Variants in RREB1 observed in about 807,000 individuals in gnomAD.
RREB1 encodes the protein ras-responsive element-binding protein 1.
RREB1 carries 27 observed loss-of-function variants against 117.8 expected under a neutral mutation model. The ratio of observed to expected loss-of-function variants is 0.23; its 90% CI spans 0.17 to 0.32. The LOEUF (loss-of-function observed/expected upper bound fraction) is 0.32, where lower values mean the gene tolerates loss of function less well. Among genes scored for constraint, RREB1 ranks in the 10% least tolerant of loss-of-function variants. The pLI is 1.00. For synonymous variants in RREB1, 1,298 were observed against 1,026.7 expected (o/e 1.26, Z -5.05); for missense variants, 2,577 against 2,378.2 (o/e 1.08, Z -1.74).
chr6:7,246,932 T>C lies in RREB1; in HGVS notation c.4482T>C (p.Pro1494=). Reference sequence around the variant, plus strand: ...CAGAGGAGGGGCCCCAGCCCGCCCCTGAACAGGAGGAGAAGCCCCCCGAGA... The same window carrying C: ...CAGAGGAGGGGCCCCAGCCCGCCCCCGAACAGGAGGAGAAGCCCCCCGAGA... ...STAEEGPQPA[P]EQEEKPPETP... is the part of the protein sequence containing the mutation. Residue 1494 remains proline (P), a synonymous_variant, in exon 12 of 13, where the codon CCT becomes CCC. Transcript: ENST00000379938. The C allele has an allele frequency of 1.3e-6, 2 of 1,557,234 alleles. No individual in the cohort carries two copies. The highest frequency in any genetic ancestry group is 1.7e-6 in the Non-Finnish European group (2 of 1,151,728).
chr6:7,142,769 A>G (rs1218260764), intron 1 of RREB1, among the ~76,000 whole-genome samples: 1 of 152,188 alleles, frequency 6.6e-6, no homozygotes. Flanking sequence ...CAGTGACTTT[A>G]CGTGGCACCC....
At chr6:7,196,630 TG>T (rs1765693300) in intron 6 of RREB1, among the ~76,000 whole-genome samples, 1 of 152,204 alleles carries the variant, frequency 6.6e-6, no homozygotes, top group Admixed American at 6.5e-5. Context: ...AATTATATTT[TG>T]GCAAGTAGGG....
chr6:7,189,010 C>T, intron 5 of RREB1, 149 bp from the exon 6 acceptor site: 1 of 671,652 alleles, frequency 1.5e-6, no homozygotes, highest in Non-Finnish European at 2.4e-6. Context: ...TACATTTTAC[C>T]CCTTCAGAAA....
At chr6:7,113,650 C>T (rs1288014923) in intron 1 of RREB1, among the ~76,000 whole-genome samples, 1 of 152,116 alleles carries the variant, frequency 6.6e-6, no homozygotes, top group Non-Finnish European at 1.5e-5. Flanking sequence ...AGAACAGCTG[C>T]TTTTTAGAGT....
intron 1 of RREB1, among the ~76,000 whole-genome samples, chr6:7,163,538 C>T (rs1211723281): frequency 2.0e-5 from 3 of 152,122 alleles, no homozygotes; most frequent in Non-Finnish European, 4.4e-5. Context: ...ACTACAGGCA[C>T]CCGCCACCAC....
At chr6:7,132,798 C>G (rs1762205680) in intron 1 of RREB1, among the ~76,000 whole-genome samples, 1 of 148,068 alleles carries the variant, frequency 6.8e-6, no homozygotes, top group Admixed American at 6.9e-5. Flanking sequence ...TACCCCGTGT[C>G]TGGTATACAA....
intron 1 of RREB1, among the ~76,000 whole-genome samples, chr6:7,160,634 T>TGAGTAGC (rs1205120939): frequency 1.3e-5 from 2 of 152,128 alleles, no homozygotes; most frequent in Non-Finnish European, 1.5e-5. Flanking sequence ...TTCAGCTTCC[T>TGAGTAGC]GAGTAGCTGG....
intron 10 of RREB1, among the ~76,000 whole-genome samples, chr6:7,238,938 C>T (rs1768508290): frequency 6.6e-6 from 1 of 152,190 alleles, no homozygotes; most frequent in Non-Finnish European, 1.5e-5. Flanking sequence ...GTCATGGGGG[C>T]GGTGCCAGGT....
At chr6:7,111,314 C>G (rs1029052124) in intron 1 of RREB1, among the ~76,000 whole-genome samples, 7 of 152,170 alleles carry the variant, frequency 4.6e-5, no homozygotes, top group Admixed American at 6.5e-5. Context: ...TCATTTATCA[C>G]CTTCAGCTAA....
At chr6:7,119,929 C>T (rs1226973442) in intron 1 of RREB1, among the ~76,000 whole-genome samples, 3 of 152,044 alleles carry the variant, frequency 2.0e-5, no homozygotes, top group African/African-American at 7.2e-5. Context: ...GTGGGAGGGG[C>T]TTGGCGATGA....
In RREB1 at chr6:7,251,055, T is replaced by C. The variant is rs1324908578; in HGVS notation, c.*2087T>C. 1.3e-5 allele frequency: 2 copies of C among 152,094 alleles called. No individual in the cohort carries two copies. Among genetic ancestry groups the C allele is most frequent in the Non-Finnish European group, 2.9e-5 (2 of 68,034 alleles). 9.4% of individuals were successfully genotyped at this position (152,094 alleles called of 1,614,324 possible). A position where few individuals can be genotyped will look rare whatever the true frequency, so the allele number is the denominator to read the frequency against. On this transcript the variant is annotated 3_prime_UTR_variant, in exon 13 of 13. Coordinates refer to ENST00000379938, the MANE Select transcript of RREB1 (RefSeq NM_001003699.4). ...GTTTCTTGTGTTTTTTCTTTGCGAC[T>C]CTCCACACTAAACTTGCAATATTGT...
intron 6 of RREB1, among the ~76,000 whole-genome samples, chr6:7,193,265 T>C (rs1765503304): frequency 6.6e-6 from 1 of 152,232 alleles, no homozygotes; most frequent in Non-Finnish European, 1.5e-5. Context: ...TGGTTTATCC[T>C]GGAGAGTGTT....
At position 7,230,610 on chromosome 6, in the gene RREB1, G is replaced by C. The variant is rs765068165; in HGVS notation, c.2511G>C (p.Pro837=). ...AADGLGPAEA[P]AAEASGRGED... Reference sequence around the variant, plus strand: ...ACGGCCTGGGCCCCGCAGAGGCGCCGGCCGCTGAGGCGTCGGGGCGCGGGG... The same window carrying C: ...ACGGCCTGGGCCCCGCAGAGGCGCCCGCCGCTGAGGCGTCGGGGCGCGGGG... The change falls in exon 10 of 13, where the codon CCG becomes CCC. Residue 837 remains proline, a synonymous_variant. Transcript: ENST00000379938. The C allele has an allele frequency of 5.6e-6, 9 of 1,603,488 alleles. No homozygotes were observed. The highest frequency in any genetic ancestry group is 7.7e-6 in the Non-Finnish European group (9 of 1,175,214).
At chr6:7,125,225 T>G (rs1359665514) in intron 1 of RREB1, among the ~76,000 whole-genome samples, 2 of 151,754 alleles carry the variant, frequency 1.3e-5, no homozygotes, top group Non-Finnish European at 2.9e-5. Flanking sequence ...AGAAGGGAGG[T>G]CAACAAGACA....
chr6:7,198,516 A>C (rs1765777955), intron 6 of RREB1, among the ~76,000 whole-genome samples: 1 of 152,236 alleles, frequency 6.6e-6, no homozygotes. Context: ...TTAGAAGGAC[A>C]TAAATGTTCT....
intron 10 of RREB1, among the ~76,000 whole-genome samples, chr6:7,232,917 CGGAG>C (rs1768091522): frequency 2.0e-5 from 3 of 151,844 alleles, no homozygotes; most frequent in African/African-American, 7.3e-5. Context: ...TTTTTTGAGA[CGGAG>C]TCTCGCTCTG....
In RREB1 at chr6:7,187,429, T is replaced by C; in HGVS notation, c.172-5T>C. On this transcript the variant is annotated splice_region_variant and splice_polypyrimidine_tract_variant and intron_variant, in intron 4 of 12. Transcript: ENST00000379938. ...TTTATCTTCCCTTTTAATCTTTCTT[T>C]TTAGGAAACGAAAGAGGAGAAGTCT... 6.3e-7 allele frequency: 1 copy of C among 1,582,032 alleles called. No homozygotes were observed. Among genetic ancestry groups the C allele is most frequent in the Non-Finnish European group, 8.7e-7 (1 of 1,153,492 alleles).
intron 1 of RREB1, among the ~76,000 whole-genome samples, chr6:7,146,614 G>A (rs1762874666): frequency 6.6e-6 from 1 of 152,146 alleles, no homozygotes; most frequent in East Asian, 1.9e-4. Context: ...TCGTGTTTGT[G>A]TCCATTCACT....
Position 7,240,442 on chromosome 6 carries a change from G to A in RREB1, c.3813G>A (p.Gln1271=), listed in dbSNP as rs753871944. The change falls in exon 11 of 13, where the codon CAG becomes CAA. Residue 1271 remains glutamine, a synonymous_variant. Transcript: ENST00000379938. The stretch of plus-strand genomic sequence containing the variant: ...ATATTTTTTTTCCTGCTTCAGGTCA[G>A]AAACCCTTCCCTTGTCAAAAATGCG... ...LQRHMLTHTG[Q]KPFPCQKCDA... 3 of 1,612,444 alleles carry A rather than the reference G, an allele frequency of 1.9e-6. No individual in the cohort carries two copies. Among genetic ancestry groups the A allele is most frequent in the South Asian group, 1.1e-5 (1 of 90,716 alleles).
Sources: gnomAD v4.1 joint callset for allele counts (sites outside exome capture counted in the v4.1 genomes callset) on GRCh38, gnomAD v4.1.1 for gene constraint, MANE v1.5 for transcripts, NCBI Gene and HGNC (gene_info 2026-07-23, HGNC 2026-07-21) for gene names.